SOX1: variants seen among roughly 807,000 people sequenced by gnomAD.
SOX1 encodes SRY-box transcription factor 1, also known as transcription factor SOX-1.
SOX1 carries 1 observed loss-of-function variant against 0.9 expected under a neutral mutation model. That is an observed-to-expected ratio of 1.07 (90% confidence interval 0.38 to 5.06). The LOEUF (loss-of-function observed/expected upper bound fraction) is 5.06, where lower values mean the gene tolerates loss of function less well. Ranked by LOEUF, SOX1 falls within the 30% of genes most tolerant of loss-of-function variation. The pLI is 0.16. For synonymous variants in SOX1, 397 were observed against 265.5 expected, an observed-to-expected ratio of 1.50 and a Z score of -4.81; for missense variants, 564 against 534.4, an observed-to-expected ratio of 1.06 and a Z score of -0.55.
At position 112,068,506 on chromosome 13, in the gene SOX1, C is replaced by CGTCGTCGGG. The variant is rs2138617116; in HGVS notation, c.848_849insGTCGTCGGG (p.Ala283_Ala284insSerSerGly). 1.3e-5 allele frequency: 13 copies of CGTCGTCGGG among 1,003,712 alleles called. No homozygotes were observed. In the East Asian group the frequency reaches 3.1e-4, roughly 24 times the overall value. The allele number at this position is 1,003,712 out of a possible 1,614,324, so 62.2% of individuals were successfully genotyped here. A position where few individuals can be genotyped will look rare whatever the true frequency, so the allele number is the denominator to read the frequency against. On this transcript the variant is annotated inframe_insertion, in exon 1 of 1. Transcript: ENST00000330949. This position sits in a 1 kb window ranked among gnomAD's most constrained non-coding sequence, Gnocchi z 6.9. ...GGCCTCCCCTACGGCGCCGCGGCCG[C>CGTCGTCGGG]CGCCGCCGCCGCTGCGGGCGGCGCG...
In SOX1 at chr13:112,067,566, T is replaced by A; in HGVS notation, c.-93T>A. 4.4e-6 allele frequency: 2 copies of A among 456,020 alleles called. No homozygotes were observed. The highest frequency in any genetic ancestry group is 5.9e-6 in the Non-Finnish European group (2 of 337,624). The allele number at this position is 456,020 out of a possible 1,614,324, so 28.2% of individuals were successfully genotyped here. On this transcript the variant is annotated 5_prime_UTR_variant, in exon 1 of 1. Transcript: ENST00000330949. The surrounding 1 kb of genome is among the most constrained non-coding windows in gnomAD (Gnocchi z 5.1). ...TAGGACCCCCCCGCCCCCGTCTCAC[T>A]CCGTCTGAATTCCTCTCCGTCTCCC...
rs1438255537 is a variant in SOX1 at position 112,071,171 on chromosome 13, C to G, written c.*2337C>G. Reference sequence around the variant, plus strand: ...CTCTCAGTCTGGCCCCTGTGCTCCCCTGTGTGTACCCTGGAGTTTCTGTGT... The same window carrying G: ...CTCTCAGTCTGGCCCCTGTGCTCCCGTGTGTGTACCCTGGAGTTTCTGTGT... On this transcript the variant is annotated 3_prime_UTR_variant, in exon 1 of 1. Transcript: ENST00000330949. Among the ~76,000 whole-genome samples the G allele has an allele frequency of 6.6e-6, 1 of 152,212 alleles. No homozygotes were observed. Among genetic ancestry groups the G allele is most frequent in the Non-Finnish European group, 1.5e-5 (1 of 68,044 alleles).
At position 112,067,778 on chromosome 13, in the gene SOX1, C is replaced by CGGCGGG; in HGVS notation, c.125_130dup (p.Gly42_Gly43dup). The CGGCGGG allele has an allele frequency of 7.6e-7, 1 of 1,316,708 alleles. No homozygotes were observed. Among genetic ancestry groups the CGGCGGG allele is most frequent in the Non-Finnish European group, 9.7e-7 (1 of 1,026,342 alleles). The allele number at this position is 1,316,708 out of a possible 1,614,324, so 81.6% of individuals were successfully genotyped here. A position where few individuals can be genotyped will look rare whatever the true frequency, so the allele number is the denominator to read the frequency against. ...GGGGCGGAGGCGGGGGCGGCGGCGG[C>CGGCGGG]GGCGGGGGCGCCAAGGCCAACCAGG... On this transcript the variant is annotated inframe_insertion, in exon 1 of 1. Coordinates refer to ENST00000330949, the MANE Select transcript of SOX1 (RefSeq NM_005986.3). This position sits in a 1 kb window ranked among gnomAD's most constrained non-coding sequence, Gnocchi z 5.1.
chr13:112,067,769 C>G lies in SOX1; in HGVS notation c.111C>G (p.Gly37=), dbSNP rs1444259485. The G allele has an allele frequency of 2.1e-5, 25 of 1,216,416 alleles. No individual in the cohort carries two copies. The highest frequency in any genetic ancestry group is 7.6e-5 in the East Asian group (2 of 26,488). The allele number at this position is 1,216,416 out of a possible 1,614,324, so 75.4% of individuals were successfully genotyped here. ...GAGGGGGGGG[G]GGGGGGAKAN... Reference sequence around the variant, plus strand: ...GCGGCGGCGGGGGCGGAGGCGGGGGCGGCGGCGGCGGCGGGGGCGCCAAGG... The same window carrying G: ...GCGGCGGCGGGGGCGGAGGCGGGGGGGGCGGCGGCGGCGGGGGCGCCAAGG... The change falls in exon 1 of 1, where the codon GGC becomes GGG. Residue 37 remains glycine, a synonymous_variant. Coordinates refer to ENST00000330949, the MANE Select transcript of SOX1 (RefSeq NM_005986.3). The surrounding 1 kb of genome is among the most constrained non-coding windows in gnomAD (Gnocchi z 5.1).
chr13:112,068,522 G>A lies in SOX1; in HGVS notation c.864G>A (p.Ala288=). 1.0e-6 allele frequency: 1 copy of A among 989,988 alleles called. No homozygotes were observed. The highest frequency in any genetic ancestry group is 4.1e-5 in the South Asian group (1 of 24,326). 61.3% of individuals were successfully genotyped at this position (989,988 alleles called of 1,614,324 possible). ...YGAAAAAAAA[A]GGAHQNSAVA... ...CCGCGGCCGCCGCCGCCGCCGCTGC[G>A]GGCGGCGCGCACCAGAACTCGGCCG... Residue 288 remains alanine (A), a synonymous_variant, in exon 1 of 1, where the codon GCG becomes GCA. Coordinates refer to ENST00000330949, the MANE Select transcript of SOX1 (RefSeq NM_005986.3). The surrounding 1 kb of genome is among the most constrained non-coding windows in gnomAD (Gnocchi z 6.9).
chr13:112,067,540 C>G lies in SOX1; in HGVS notation c.-119C>G. The G allele has an allele frequency of 2.3e-6, 1 of 436,980 alleles. No homozygotes were observed. Among genetic ancestry groups the G allele is most frequent in the Admixed American group, 5.6e-5 (1 of 17,808 alleles). The allele number at this position is 436,980 out of a possible 1,614,324, so 27.1% of individuals were successfully genotyped here. A position where few individuals can be genotyped will look rare whatever the true frequency, so the allele number is the denominator to read the frequency against. On this transcript the variant is annotated 5_prime_UTR_variant, in exon 1 of 1. Coordinates refer to ENST00000330949, the MANE Select transcript of SOX1 (RefSeq NM_005986.3). This position sits in a 1 kb window ranked among gnomAD's most constrained non-coding sequence, Gnocchi z 5.1. The stretch of plus-strand genomic sequence containing the variant: ...CCACCCCTCCCCATTCTTCTCTCCG[C>G]TAGGACCCCCCCGCCCCCGTCTCAC...
At position 112,067,700 on chromosome 13, in the gene SOX1, C is replaced by A. The variant is rs1880755791; in HGVS notation, c.42C>A (p.Gly14=). The A allele has an allele frequency of 7.8e-7, 1 of 1,277,454 alleles. No homozygotes were observed. Among genetic ancestry groups the A allele is most frequent in the Non-Finnish European group, 1.0e-6 (1 of 1,002,690 alleles). The allele number at this position is 1,277,454 out of a possible 1,614,324, so 79.1% of individuals were successfully genotyped here. Residue 14 remains glycine, a synonymous_variant, in exon 1 of 1, where the codon GGC becomes GGA. Coordinates refer to ENST00000330949, the MANE Select transcript of SOX1 (RefSeq NM_005986.3). This position sits in a 1 kb window ranked among gnomAD's most constrained non-coding sequence, Gnocchi z 5.1. ...TGGAGACCGACCTGCACTCGCCCGG[C>A]GGCGCCCAGGCCCCCACGAACCTCT... The part of the protein sequence containing the change: ...MMMETDLHSP[G]GAQAPTNLSG...
In SOX1 at chr13:112,070,626, C is replaced by G. The variant is rs1007094713; in HGVS notation, c.*1792C>G. ...GGTTTCCCCTCGCTTTCTCAACACC[C>G]TTCCTTGTCCTGGAGTATGGACTGT... On this transcript the variant is annotated 3_prime_UTR_variant, in exon 1 of 1. Transcript: ENST00000330949. 4 of 167,016 alleles carry G rather than the reference C, an allele frequency of 2.4e-5. No homozygotes were observed. The highest frequency in any genetic ancestry group is 5.9e-5 in the Non-Finnish European group (4 of 68,118). 10.3% of individuals were successfully genotyped at this position (167,016 alleles called of 1,614,324 possible).
In SOX1 at chr13:112,071,102, A is replaced by G. The variant is rs976651346; in HGVS notation, c.*2268A>G. On this transcript the variant is annotated 3_prime_UTR_variant, in exon 1 of 1. Transcript: ENST00000330949. ...ACCTTGAGGGTTTTCTCTGAAATAT[A>G]CAAACTTAAAGGACTCTCTCTGAGG... Among the ~76,000 whole-genome samples, 4 of 152,192 alleles carry G rather than the reference A, an allele frequency of 2.6e-5. No individual in the cohort carries two copies. Among genetic ancestry groups the G allele is most frequent in the African/African-American group, 9.7e-5 (4 of 41,440 alleles).
At position 112,068,344 on chromosome 13, in the gene SOX1, C is replaced by T; in HGVS notation, c.686C>T (p.Ala229Val). The part of the protein sequence containing the change: ...AGGAHPHAHP[A>V]HPHPHHPHAH... ...GGCGCGCACCCGCACGCGCACCCCG[C>T]GCACCCGCACCCGCACCACCCGCAC... The change falls in exon 1 of 1, where the codon GCG becomes GTG. Residue 229 changes from alanine (A) to valine (V), a missense_variant. Physicochemically the swap from Ala to Val is moderately conservative, Grantham distance 64. Transcript: ENST00000330949. This position sits in a 1 kb window ranked among gnomAD's most constrained non-coding sequence, Gnocchi z 6.9. 8.2e-7 allele frequency: 1 copy of T among 1,220,274 alleles called. No homozygotes were observed. The highest frequency in any genetic ancestry group is 1.0e-6 in the Non-Finnish European group (1 of 960,780). 75.6% of individuals were successfully genotyped at this position (1,220,274 alleles called of 1,614,324 possible).
Position 112,068,545 on chromosome 13 carries a change from C to T in SOX1, c.887C>T (p.Ala296Val). Reference sequence around the variant, plus strand: ...GCGGGCGGCGCGCACCAGAACTCGGCCGTGGCGGCGGCGGCGGCGGCGGCG... The same window carrying T: ...GCGGGCGGCGCGCACCAGAACTCGGTCGTGGCGGCGGCGGCGGCGGCGGCG... ...AAAGGAHQNS[A>V]VAAAAAAAAA... is the part of the protein sequence containing the mutation. Residue 296 changes from alanine (A) to valine (V), a missense_variant, in exon 1 of 1, where the codon GCC becomes GTC. Transcript: ENST00000330949. The surrounding 1 kb of genome is among the most constrained non-coding windows in gnomAD (Gnocchi z 6.9). The T allele has an allele frequency of 1.0e-6, 1 of 964,200 alleles. No homozygotes were observed. The allele number at this position is 964,200 out of a possible 1,614,324, so 59.7% of individuals were successfully genotyped here.
chr13:112,070,496 G>A lies in SOX1; in HGVS notation c.*1662G>A, dbSNP rs1880860746. ...TATTGCATTTAAAAATTATACTGTAGCAAATACATTTAAAAATTAATCACA... is the reference window on the plus strand; with the variant it reads ...TATTGCATTTAAAAATTATACTGTAACAAATACATTTAAAAATTAATCACA... On this transcript the variant is annotated 3_prime_UTR_variant, in exon 1 of 1. Coordinates refer to ENST00000330949, the MANE Select transcript of SOX1 (RefSeq NM_005986.3). 6.0e-6 allele frequency: 1 copy of A among 165,908 alleles called. No individual in the cohort carries two copies. The highest frequency in any genetic ancestry group is 2.4e-5 in the African/African-American group (1 of 41,010). 10.3% of individuals were successfully genotyped at this position (165,908 alleles called of 1,614,324 possible).
chr13:112,069,998 C>G lies in SOX1; in HGVS notation c.*1164C>G, dbSNP rs1880845346. 1 of 167,092 alleles carries G rather than the reference C, an allele frequency of 6.0e-6. No individual in the cohort carries two copies. The highest frequency in any genetic ancestry group is 2.1e-4 in the South Asian group (1 of 4,826). 10.4% of individuals were successfully genotyped at this position (167,092 alleles called of 1,614,324 possible). On this transcript the variant is annotated 3_prime_UTR_variant, in exon 1 of 1. Coordinates refer to ENST00000330949, the MANE Select transcript of SOX1 (RefSeq NM_005986.3). ...GAGGAGGGAGGAGGAAGGGAAGACC[C>G]CAGTGGTGGGACCCTGGACCAGGCC...
chr13:112,068,951 C>T lies in SOX1; in HGVS notation c.*117C>T. ...TGTACAGACGTTCCCACATTCTTGTCAAAAGGAAAATACTGGAGACGAACG... is the reference window on the plus strand; with the variant it reads ...TGTACAGACGTTCCCACATTCTTGTTAAAAGGAAAATACTGGAGACGAACG... On this transcript the variant is annotated 3_prime_UTR_variant, in exon 1 of 1. Coordinates refer to ENST00000330949, the MANE Select transcript of SOX1 (RefSeq NM_005986.3). This position sits in a 1 kb window ranked among gnomAD's most constrained non-coding sequence, Gnocchi z 6.9. 2.4e-6 allele frequency: 2 copies of T among 823,128 alleles called. No individual in the cohort carries two copies. The highest frequency in any genetic ancestry group is 3.2e-6 in the Non-Finnish European group (2 of 627,198). 51.0% of individuals were successfully genotyped at this position (823,128 alleles called of 1,614,324 possible). A position where few individuals can be genotyped will look rare whatever the true frequency, so the allele number is the denominator to read the frequency against.
chr13:112,070,096 T>G lies in SOX1; in HGVS notation c.*1262T>G, dbSNP rs1291958711. On this transcript the variant is annotated 3_prime_UTR_variant, in exon 1 of 1. Coordinates refer to ENST00000330949, the MANE Select transcript of SOX1 (RefSeq NM_005986.3). ...CCAGCAATTAAGATTTCGAGCAGAA[T>G]TTATCTAAATGTGTTTCAAGGAAAC... is the stretch of plus-strand genomic sequence containing the variant. 1.2e-5 allele frequency: 2 copies of G among 167,078 alleles called. No individual in the cohort carries two copies. The highest frequency in any genetic ancestry group is 2.9e-5 in the Non-Finnish European group (2 of 68,118). 10.3% of individuals were successfully genotyped at this position (167,078 alleles called of 1,614,324 possible).
In SOX1 at chr13:112,068,889, G is replaced by T. The variant is rs1224143772; in HGVS notation, c.*55G>T. 2 of 1,180,064 alleles carry T rather than the reference G, an allele frequency of 1.7e-6. No individual in the cohort carries two copies. The highest frequency in any genetic ancestry group is 3.8e-5 in the East Asian group (1 of 26,052). The allele number at this position is 1,180,064 out of a possible 1,614,324, so 73.1% of individuals were successfully genotyped here. Reference sequence around the variant, plus strand: ...GGCGACCCACGAGCTCGCGGCCCGCGCCCGGCTCCCGCCCCGCCCCGGCGC... The same window carrying T: ...GGCGACCCACGAGCTCGCGGCCCGCTCCCGGCTCCCGCCCCGCCCCGGCGC... On this transcript the variant is annotated 3_prime_UTR_variant, in exon 1 of 1. Transcript: ENST00000330949. The surrounding 1 kb of genome is among the most constrained non-coding windows in gnomAD (Gnocchi z 6.9).
rs1296613998 is a variant in SOX1, at chr13:112,067,390, G to A, written c.-269G>A. On this transcript the variant is annotated 5_prime_UTR_variant, in exon 1 of 1. Coordinates refer to ENST00000330949, the MANE Select transcript of SOX1 (RefSeq NM_005986.3). The surrounding 1 kb of genome is among the most constrained non-coding windows in gnomAD (Gnocchi z 5.1). ...AGGGCGCCTGGGCTGCGGTGGCGGCGAAGACGGCGACCCCGACCGTCGGCC... is the reference window on the plus strand; with the variant it reads ...AGGGCGCCTGGGCTGCGGTGGCGGCAAAGACGGCGACCCCGACCGTCGGCC... Among the ~76,000 whole-genome samples the A allele has an allele frequency of 6.6e-6, 1 of 152,184 alleles. No individual in the cohort carries two copies.
Position 112,068,826 on chromosome 13 carries a change from C to T in SOX1, c.1168C>T (p.His390Tyr). The T allele has an allele frequency of 8.1e-7, 1 of 1,227,220 alleles. No homozygotes were observed. The highest frequency in any genetic ancestry group is 1.0e-6 in the Non-Finnish European group (1 of 979,292). 76.0% of individuals were successfully genotyped at this position (1,227,220 alleles called of 1,614,324 possible). A position where few individuals can be genotyped will look rare whatever the true frequency, so the allele number is the denominator to read the frequency against. ...CGTGAACGGCACGGTGCCCCTGACG[C>T]ACATCTAGCGCCTTCGGGACGCCGG... ...AGVNGTVPLT[H>Y]I Residue 390 changes from histidine (H) to tyrosine (Y), a missense_variant, in exon 1 of 1, where the codon CAC becomes TAC. By Grantham distance (83) the His-to-Tyr change is moderately conservative (BLOSUM62 2). Coordinates refer to ENST00000330949, the MANE Select transcript of SOX1 (RefSeq NM_005986.3). The surrounding 1 kb of genome is among the most constrained non-coding windows in gnomAD (Gnocchi z 6.9).
rs897591409 is a variant in SOX1 at position 112,069,796 on chromosome 13, G to C, written c.*962G>C. On this transcript the variant is annotated 3_prime_UTR_variant, in exon 1 of 1. Coordinates refer to ENST00000330949, the MANE Select transcript of SOX1 (RefSeq NM_005986.3). ...TCAAGGAACCTTTTTCAATGAAAGA[G>C]AAGGAAGTTAAAACCTATAGGTTAT... The C allele has an allele frequency of 1.8e-5, 3 of 167,116 alleles. No homozygotes were observed. The highest frequency in any genetic ancestry group is 1.3e-4 in the Admixed American group (2 of 15,292). 10.4% of individuals were successfully genotyped at this position (167,116 alleles called of 1,614,324 possible).
Sources: allele counts gnomAD v4.1 joint callset (sites outside exome capture counted in the v4.1 genomes callset), GRCh38; gene constraint gnomAD v4.1.1; non-coding constraint Gnocchi (gnomAD v3.1); transcripts MANE v1.5; gene names NCBI Gene and HGNC (gene_info 2026-07-23, HGNC 2026-07-21).